The following APPL2 variants were observed in gnomAD, a reference collection of about 807,000 sequenced individuals.
APPL2 encodes the protein adaptor protein, phosphotyrosine interacting with PH domain and leucine zipper 2.
A neutral mutation model predicts 92.7 loss-of-function variants in APPL2; 84 were observed. That is an observed-to-expected ratio of 0.91 (90% CI 0.76 to 1.09). The LOEUF (loss-of-function observed/expected upper bound fraction) is 1.09, where lower values mean the gene tolerates loss of function less well. Ranked by LOEUF, APPL2 falls within the 50% of genes least tolerant of loss-of-function variation. APPL2 has a pLI of 0.00. For missense variants in APPL2, 736 were observed against 824.5 expected, an observed-to-expected ratio of 0.89 and a Z score of 1.31; for synonymous variants, 291 against 291.0, an observed-to-expected ratio of 1.00 and a Z score of 0.00.
At chr12:105,189,027 T>G (rs1266917593) in intron 16 of APPL2, among the ~76,000 whole-genome samples, 1 of 152,170 alleles carries the variant, frequency 6.6e-6, no homozygotes, top group African/African-American at 2.4e-5. Flanking sequence ...TTTTCTTTTT[T>G]TTCTTTTTTG....
chr12:105,189,958 G>T, intron 15 of APPL2, 33 bp downstream of exon 15: 1 of 1,612,114 alleles, frequency 6.2e-7, no homozygotes, highest in East Asian at 2.2e-5. Context: ...TTTACTTTCA[G>T]TTCTCCCAGA....
intron 11 of APPL2, 136 bp downstream of exon 11, chr12:105,197,629 C>G (rs555625968): frequency 9.3e-7 from 1 of 1,076,876 alleles, no homozygotes; most frequent in East Asian, 2.6e-5. Flanking sequence ...GAAAATCATC[C>G]TCCTGAAAGG....
chr12:105,192,786 T>C (rs1237943222), intron 14 of APPL2, among the ~76,000 whole-genome samples: 2 of 152,200 alleles, frequency 1.3e-5, no homozygotes, highest in East Asian at 3.8e-4. Context: ...AATCCCTGCG[T>C]TTTCTTACCT....
chr12:105,221,870 T>C (rs181744902), intron 2 of APPL2, among the ~76,000 whole-genome samples: 1 of 152,352 alleles, frequency 6.6e-6, no homozygotes, highest in Non-Finnish European at 1.5e-5. Flanking sequence ...GGAATGTTTA[T>C]CTTTCTGTAG....
chr12:105,195,420 T>G (rs772002595), intron 13 of APPL2, 25 bp downstream of exon 13: 19 of 1,613,888 alleles, frequency 1.2e-5, no homozygotes, highest in Non-Finnish European at 1.5e-5. Flanking sequence ...AGAAAAGGGC[T>G]GAGATGCCGG....
chr12:105,194,336 G>C (rs1390562028), intron 14 of APPL2, among the ~76,000 whole-genome samples: 9 of 152,170 alleles, frequency 5.9e-5, no homozygotes, highest in African/African-American at 2.2e-4. Context: ...GCATGAAAAT[G>C]TTTGCTCTAA....
Position 105,230,870 on chromosome 12 carries a change from G to T in APPL2, c.55-1647C>A, listed in dbSNP as rs1890871789. On this transcript the variant is annotated intron_variant, in intron 1 of 20. Transcript: ENST00000258530. ...CTGTGCAATAATGAATAAGGAAATT[G>T]TAACATCATGTTTAAAAAAGCTCTC... 2.0e-5 allele frequency among the ~76,000 whole-genome samples: 3 copies of T among 152,194 alleles called. No homozygotes were observed. In the South Asian group the frequency reaches 6.2e-4, roughly 31 times the overall value.
At chr12:105,196,425 CTTTTTTTTTTTTTTTTTTT>C (rs59820038) in intron 11 of APPL2, among the ~76,000 whole-genome samples, 1 of 83,812 alleles carries the variant, frequency 1.2e-5, no homozygotes, top group Non-Finnish European at 2.3e-5. Context: ...GGCGTTAACT[CTTTTTTTTTTTTTTTTTTT>C]TTTTTTTTTG....
At chr12:105,206,714 C>G (rs1888732090) in intron 8 of APPL2, 1 of 199,258 alleles carries the variant, frequency 5.0e-6, no homozygotes, top group South Asian at 1.1e-4. Context: ...TCCTGGGTGA[C>G]AGGCAAGCTA....
intron 11 of APPL2, among the ~76,000 whole-genome samples, chr12:105,196,026 G>GC (rs1887609603): frequency 6.7e-6 from 1 of 149,850 alleles, no homozygotes; most frequent in Non-Finnish European, 1.5e-5. Context: ...CTGCACTCCA[G>GC]CCTGGGTGAT....
Position 105,176,063 on chromosome 12 carries a change from AAATTAAT to A in APPL2, c.1825_1831del (p.Ile609TrpfsTer18). 1 of 1,591,630 alleles carries A rather than the reference AAATTAAT, an allele frequency of 6.3e-7. No individual in the cohort carries two copies. Among genetic ancestry groups the A allele is most frequent in the Non-Finnish European group, 8.5e-7 (1 of 1,172,604 alleles). ...CTGAACCTCAATAATTTCTTTTCCC[AAATTAAT>A]AGCATAACATATCTGCAAAAGACAA... On this transcript the variant is annotated frameshift_variant, in exon 20 of 21. Coordinates refer to ENST00000258530, the MANE Select transcript of APPL2 (RefSeq NM_018171.5). LOFTEE classifies it high-confidence loss of function.
intron 9 of APPL2, 29 bp from the exon 10 acceptor site, chr12:105,199,560 C>T (rs772693289): frequency 6.2e-7 from 1 of 1,605,582 alleles, no homozygotes; most frequent in South Asian, 1.1e-5. Context: ...GGGTCAGTTA[C>T]TCACTGCTGG....
intron 17 of APPL2, among the ~76,000 whole-genome samples, chr12:105,178,986 CTCTT>C (rs994393034): frequency 5.3e-5 from 8 of 152,136 alleles, no homozygotes; most frequent in African/African-American, 1.7e-4. Flanking sequence ...ACCTAGATTT[CTCTT>C]TTTTTATTAT....
At chr12:105,197,485 C>T (rs1887760724) in intron 11 of APPL2, among the ~76,000 whole-genome samples, 1 of 152,234 alleles carries the variant, frequency 6.6e-6, no homozygotes, top group Non-Finnish European at 1.5e-5. Flanking sequence ...TGCTAACAAG[C>T]ACGACTTCTG....
intron 17 of APPL2, 147 bp from the exon 18 acceptor site, chr12:105,177,409 C>A (rs1490957479): frequency 2.6e-6 from 2 of 769,984 alleles, no homozygotes; most frequent in African/African-American, 3.5e-5. Flanking sequence ...TGTGTGTGAC[C>A]ACGTGTCCTG....
chr12:105,188,149 G>A, intron 17 of APPL2, 124 bp downstream of exon 17: 1 of 1,091,228 alleles, frequency 9.2e-7, no homozygotes, highest in Non-Finnish European at 1.3e-6. Context: ...TATGTAAAAA[G>A]TAGTGGGGGC....
chr12:105,216,662 C>T (rs1172466601), intron 4 of APPL2, among the ~76,000 whole-genome samples: 1 of 152,214 alleles, frequency 6.6e-6, no homozygotes, highest in Non-Finnish European at 1.5e-5. Flanking sequence ...GAGGATTCTC[C>T]CCGGAGCCAA....
chr12:105,184,636 C>T (rs541456474), intron 17 of APPL2, among the ~76,000 whole-genome samples: 1 of 152,318 alleles, frequency 6.6e-6, no homozygotes, highest in Non-Finnish European at 1.5e-5. Context: ...AGCTTCATCC[C>T]AGAAGGGCAC....
At chr12:105,227,879 C>T (rs1423402370) in intron 2 of APPL2, among the ~76,000 whole-genome samples, 31 of 152,166 alleles carry the variant, frequency 2.0e-4, no homozygotes, top group Non-Finnish European at 1.5e-5. Context: ...AACATAAAAG[C>T]CCCTGGAAGT....
Sources: gnomAD v4.1 joint callset for allele counts (sites outside exome capture counted in the v4.1 genomes callset) on GRCh38, gnomAD v4.1.1 for gene constraint, MANE v1.5 for transcripts, NCBI Gene and HGNC (gene_info 2026-07-23, HGNC 2026-07-21) for gene names.